The following BRAF variants were observed in gnomAD, a reference collection of about 807,000 sequenced individuals.
BRAF encodes the protein serine/threonine-protein kinase B-raf.
Under a neutral mutation model 104.6 loss-of-function variants are expected in BRAF, and 16 were observed. That is an observed-to-expected ratio of 0.15 (90% confidence interval 0.10 to 0.23). The LOEUF (loss-of-function observed/expected upper bound fraction) is 0.23. BRAF is among the 10% of genes least tolerant of loss of function. The pLI is 1.00. For synonymous variants in BRAF, 310 were observed against 341.6 expected (o/e 0.91, Z 1.02); for missense variants, 541 against 937.3 (o/e 0.58, Z 5.52).
At position 140,720,585 on chromosome 7, in the gene BRAF, A is replaced by G. The variant is rs1452549715; in HGVS notation, c.*5909T>C. The G allele has an allele frequency of 2.5e-5, 27 of 1,065,516 alleles. No individual in the cohort carries two copies. The highest frequency in any genetic ancestry group is 3.0e-5 in the Non-Finnish European group (26 of 879,574). 66.0% of individuals were successfully genotyped at this position (1,065,516 alleles called of 1,614,324 possible). A position where few individuals can be genotyped will look rare whatever the true frequency, so the allele number is the denominator to read the frequency against. ...TTAGAATAAAAAGCATACTTATTGC[A>G]CTCTTACATTTGATTTCAGGTAATT... On this transcript the variant is annotated 3_prime_UTR_variant, in exon 20 of 20. Coordinates refer to ENST00000644969, the MANE Select transcript of BRAF (RefSeq NM_001374258.1).
chr7:140,860,881 A>G (rs1810346034), intron 1 of BRAF, among the ~76,000 whole-genome samples: 1 of 152,222 alleles, frequency 6.6e-6, no homozygotes, highest in East Asian at 1.9e-4. Context: ...TTTTCACTGC[A>G]GCAATGTTTA....
chr7:140,909,809 AAACAACAACAAC>A (rs142186028), intron 1 of BRAF, among the ~76,000 whole-genome samples: 54 of 148,782 alleles, frequency 3.6e-4, no homozygotes, highest in African/African-American at 1.1e-3. Flanking sequence ...CTCCGTCTCA[AAACAACAACAAC>A]AACAACAACA....
chr7:140,898,600 T>C (rs1175376289), intron 1 of BRAF, among the ~76,000 whole-genome samples: 1 of 152,212 alleles, frequency 6.6e-6, no homozygotes, highest in African/African-American at 2.4e-5. Context: ...AAAACATCGT[T>C]CCATTAAAGC....
At chr7:140,831,983 C>T (rs897428229) in intron 3 of BRAF, among the ~76,000 whole-genome samples, 1 of 152,170 alleles carries the variant, frequency 6.6e-6, no homozygotes, top group African/African-American at 2.4e-5. Context: ...AAGAATCTAG[C>T]TCCTAGTATT....
At chr7:140,907,909 T>C (rs1816514475) in intron 1 of BRAF, among the ~76,000 whole-genome samples, 1 of 152,274 alleles carries the variant, frequency 6.6e-6, no homozygotes, top group South Asian at 2.1e-4. Flanking sequence ...CACACGTGGC[T>C]AATCTTTGTA....
In BRAF at chr7:140,726,353, C is replaced by A. The variant is rs777908923; in HGVS notation, c.*141G>T. 102 of 1,442,702 alleles carry A rather than the reference C, an allele frequency of 7.1e-5. 1 individual carries two copies. The highest frequency in any genetic ancestry group is 8.9e-5 in the Non-Finnish European group (98 of 1,104,232). 89.4% of individuals were successfully genotyped at this position (1,442,702 alleles called of 1,614,324 possible). A position where few individuals can be genotyped will look rare whatever the true frequency, so the allele number is the denominator to read the frequency against. On this transcript the variant is annotated 3_prime_UTR_variant, in exon 20 of 20. Transcript: ENST00000644969. ...TCCTCTTTTGTTGGATGGGAAATTC[C>A]ATTCTGTTCCACATCAGCTTATGCA... is the stretch of plus-strand genomic sequence containing the variant.
chr7:140,822,974 C>T (rs1269265372), intron 3 of BRAF, among the ~76,000 whole-genome samples: 1 of 152,012 alleles, frequency 6.6e-6, no homozygotes, highest in Non-Finnish European at 1.5e-5. Flanking sequence ...AGATGTACAC[C>T]ACCACTCCTG....
intron 2 of BRAF, chr7:140,835,823 ACCTACC>A (rs1807271289): frequency 6.6e-6 from 1 of 152,320 alleles, no homozygotes; most frequent in African/African-American, 2.4e-5. Context: ...TACTATTTCT[ACCTACC>A]ATCTCAAATA....
At chr7:140,807,418 AAAAT>A (rs1803772230) in intron 5 of BRAF, among the ~76,000 whole-genome samples, 1 of 152,338 alleles carries the variant, frequency 6.6e-6, no homozygotes, top group African/African-American at 2.4e-5. Flanking sequence ...TAGTCATACT[AAAAT>A]AAAGCCAGGT....
At chr7:140,807,244 T>C (rs1327101091) in intron 5 of BRAF, among the ~76,000 whole-genome samples, 2 of 152,180 alleles carry the variant, frequency 1.3e-5, no homozygotes, top group Admixed American at 6.5e-5. Context: ...TCCATTAACC[T>C]ATCCTTCAGA....
chr7:140,827,670 T>C (rs1307490727), intron 3 of BRAF, among the ~76,000 whole-genome samples: 2 of 152,206 alleles, frequency 1.3e-5, no homozygotes, highest in Non-Finnish European at 2.9e-5. Flanking sequence ...TCCCACACAT[T>C]GATATTCACA....
intron 1 of BRAF, among the ~76,000 whole-genome samples, chr7:140,910,000 A>G: frequency 6.6e-6 from 1 of 152,134 alleles, no homozygotes; most frequent in Non-Finnish European, 1.5e-5. Flanking sequence ...TGTCCTGAAC[A>G]TTGTGGGATG....
intron 17 of BRAF, among the ~76,000 whole-genome samples, chr7:140,742,878 A>G (rs2130916797): frequency 6.6e-6 from 1 of 151,958 alleles, no homozygotes; most frequent in South Asian, 2.1e-4. Context: ...ATTTACAAGA[A>G]AAAAACAAAC....
At chr7:140,802,000 A>T (rs1803164972) in intron 5 of BRAF, among the ~76,000 whole-genome samples, 1 of 152,218 alleles carries the variant, frequency 6.6e-6, no homozygotes, top group African/African-American at 2.4e-5. Flanking sequence ...TAGAAGAACC[A>T]AAAAACTACT....
chr7:140,721,288 C>A lies in BRAF; in HGVS notation c.*5206G>T. 1.7e-6 allele frequency: 2 copies of A among 1,154,260 alleles called. No individual in the cohort carries two copies. The highest frequency in any genetic ancestry group is 4.7e-5 in the Admixed American group (1 of 21,468). 71.5% of individuals were successfully genotyped at this position (1,154,260 alleles called of 1,614,324 possible). On this transcript the variant is annotated 3_prime_UTR_variant, in exon 20 of 20. Coordinates refer to ENST00000644969, the MANE Select transcript of BRAF (RefSeq NM_001374258.1). The stretch of plus-strand genomic sequence containing the variant: ...ACTCATTGAGTTGCCGACTAATTGC[C>A]CCATGCATTTTTTTTTTTTAAAGCA...
At chr7:140,862,560 C>T (rs1358807364) in intron 1 of BRAF, among the ~76,000 whole-genome samples, 1 of 152,116 alleles carries the variant, frequency 6.6e-6, no homozygotes, top group Non-Finnish European at 1.5e-5. Flanking sequence ...TACATAAATC[C>T]TAGTTTACAT....
chr7:140,825,115 G>A (rs544679987), intron 3 of BRAF, among the ~76,000 whole-genome samples: 19 of 151,414 alleles, frequency 1.3e-4, no homozygotes, highest in Non-Finnish European at 2.1e-4. Context: ...GGTTACAGGC[G>A]CCTGCCACCA....
chr7:140,827,659 T>C (rs183552306), intron 3 of BRAF, among the ~76,000 whole-genome samples: 5 of 152,324 alleles, frequency 3.3e-5, no homozygotes, highest in African/African-American at 7.2e-5. Flanking sequence ...CAGTGTTGTA[T>C]TCCCACACAT....
At chr7:140,768,176 T>C (rs10236138) in intron 14 of BRAF, among the ~76,000 whole-genome samples, 1,838 of 152,342 alleles carry the variant, frequency 0.012, 33 homozygotes, top group African/African-American at 0.041. Context: ...TATCTCTTGA[T>C]GGTGGATTAC....
Sources: gnomAD v4.1 joint callset for allele counts (sites outside exome capture counted in the v4.1 genomes callset) on GRCh38, gnomAD v4.1.1 for gene constraint, MANE v1.5 for transcripts, NCBI Gene and HGNC (gene_info 2026-07-23, HGNC 2026-07-21) for gene names.